GPR39: variants seen among roughly 807,000 people sequenced by gnomAD.
GPR39 encodes zinc sensing receptor.
A neutral mutation model predicts 18.4 loss-of-function variants in GPR39; 23 were observed. That is an observed-to-expected ratio of 1.25 (90% CI 0.90 to 1.77). GPR39 has a LOEUF of 1.77. Among genes scored for constraint, GPR39 ranks in the 40% most tolerant of loss-of-function variants. The probability of loss-of-function intolerance (pLI) is 0.00; values close to 1 mark genes in which losing one functional copy is unlikely to be tolerated. For synonymous variants in GPR39, 280 were observed against 257.9 expected, an observed-to-expected ratio of 1.09 and a Z score of -0.82; for missense variants, 647 against 602.4, an observed-to-expected ratio of 1.07 and a Z score of -0.78.
intron 1 of GPR39, among the ~76,000 whole-genome samples, chr2:132,463,935 G>A (rs1054245745): frequency 1.3e-5 from 2 of 152,282 alleles, no homozygotes; most frequent in East Asian, 1.9e-4. Flanking sequence ...TCCTCTAGGA[G>A]GCCAGACCAA....
intron 1 of GPR39, among the ~76,000 whole-genome samples, chr2:132,491,032 C>T (rs562463778): frequency 3.3e-5 from 5 of 152,282 alleles, no homozygotes; most frequent in Admixed American, 2.0e-4. Flanking sequence ...CTCTAATTTG[C>T]GAACCTTGAA....
At chr2:132,575,892 T>C (rs1680521144) in intron 1 of GPR39, among the ~76,000 whole-genome samples, 1 of 152,126 alleles carries the variant, frequency 6.6e-6, no homozygotes, top group Non-Finnish European at 1.5e-5. Flanking sequence ...AGAAGCCTCA[T>C]GAATGGTATT....
chr2:132,420,226 C>T (rs1022614798), intron 1 of GPR39, among the ~76,000 whole-genome samples: 1 of 152,172 alleles, frequency 6.6e-6, no homozygotes, highest in Non-Finnish European at 1.5e-5. Context: ...GGGGAATTTA[C>T]CGTTTGTATT....
chr2:132,575,370 A>G (rs571995778), intron 1 of GPR39, among the ~76,000 whole-genome samples: 1 of 152,340 alleles, frequency 6.6e-6, no homozygotes, highest in African/African-American at 2.4e-5. Context: ...ATCTGCAATT[A>G]TAAGAAATAA....
intron 1 of GPR39, among the ~76,000 whole-genome samples, chr2:132,480,274 A>G (rs1681208973): frequency 6.6e-6 from 1 of 152,160 alleles, no homozygotes; most frequent in Admixed American, 6.6e-5. Flanking sequence ...GAAATGGCAA[A>G]TTGTTGTTCA....
intron 1 of GPR39, among the ~76,000 whole-genome samples, chr2:132,553,865 A>C (rs766158911): frequency 6.6e-6 from 1 of 152,142 alleles, no homozygotes; most frequent in Non-Finnish European, 1.5e-5. Context: ...CCTGAAAAAA[A>C]CACCACCAGG....
intron 1 of GPR39, among the ~76,000 whole-genome samples, chr2:132,573,816 A>G (rs971995081): frequency 6.6e-6 from 1 of 152,120 alleles, no homozygotes; most frequent in Non-Finnish European, 1.5e-5. Flanking sequence ...CATCAGGGGA[A>G]CTTTTAGGGG....
chr2:132,615,390 G>A (rs953693052), intron 1 of GPR39, among the ~76,000 whole-genome samples: 1 of 152,128 alleles, frequency 6.6e-6, no homozygotes. Flanking sequence ...TTCACCTTGC[G>A]TGCCTTCCTC....
At chr2:132,562,714 G>A (rs73957925) in intron 1 of GPR39, among the ~76,000 whole-genome samples, 68 of 152,110 alleles carry the variant, frequency 4.5e-4, no homozygotes, top group African/African-American at 1.6e-3. Context: ...GATAGCAGGG[G>A]TTATCTACTA....
chr2:132,428,798 T>G (rs1256096385), intron 1 of GPR39, among the ~76,000 whole-genome samples: 2 of 152,242 alleles, frequency 1.3e-5, no homozygotes, highest in East Asian at 3.8e-4. Context: ...ACTTGTTGTG[T>G]AGTTGTAACA....
chr2:132,524,967 T>C (rs1679483899), intron 1 of GPR39, among the ~76,000 whole-genome samples: 1 of 152,196 alleles, frequency 6.6e-6, no homozygotes, highest in Non-Finnish European at 1.5e-5. Context: ...GACAGGACCA[T>C]GGGAATTTCC....
chr2:132,604,363 G>A (rs966518793), intron 1 of GPR39: 1 of 152,196 alleles, frequency 6.6e-6, no homozygotes, highest in Non-Finnish European at 1.5e-5. Flanking sequence ...AGAAGCCATG[G>A]CTGTGGAGGG....
intron 1 of GPR39, among the ~76,000 whole-genome samples, chr2:132,469,765 C>T (rs1328025703): frequency 6.6e-6 from 1 of 152,186 alleles, no homozygotes; most frequent in African/African-American, 2.4e-5. Context: ...AGGAGCCTCT[C>T]CCGAGCACCT....
At chr2:132,481,457 G>T (rs968155989) in intron 1 of GPR39, among the ~76,000 whole-genome samples, 1 of 152,146 alleles carries the variant, frequency 6.6e-6, no homozygotes. Context: ...TATACCAGGA[G>T]GTAAAAGAAA....
chr2:132,628,423 G>A (rs1443993322), intron 1 of GPR39, among the ~76,000 whole-genome samples: 3 of 152,150 alleles, frequency 2.0e-5, no homozygotes, highest in African/African-American at 7.2e-5. Context: ...CTCAAGTTTG[G>A]GAGGGCCCTG....
intron 1 of GPR39, among the ~76,000 whole-genome samples, chr2:132,522,832 C>G (rs1401043585): frequency 6.6e-6 from 1 of 152,226 alleles, no homozygotes; most frequent in Non-Finnish European, 1.5e-5. Flanking sequence ...CCTGTTGACT[C>G]CAGCAACCTT....
At chr2:132,543,725 A>G (rs1428389985) in intron 1 of GPR39, among the ~76,000 whole-genome samples, 4 of 152,166 alleles carry the variant, frequency 2.6e-5, no homozygotes, top group East Asian at 1.9e-4. Flanking sequence ...TTTGTAATGG[A>G]TCTTTGTTAC....
chr2:132,487,936 G>A (rs1359350547), intron 1 of GPR39, among the ~76,000 whole-genome samples: 1 of 152,146 alleles, frequency 6.6e-6, no homozygotes, highest in Admixed American at 6.5e-5. Flanking sequence ...TTAATCTCAA[G>A]AAGGTCACAT....
chr2:132,453,062 T>C (rs2104772045), intron 1 of GPR39, among the ~76,000 whole-genome samples: 1 of 152,334 alleles, frequency 6.6e-6, no homozygotes, highest in Non-Finnish European at 1.5e-5. Flanking sequence ...CCACACTGTC[T>C]TCTACAATGG....
Sources: allele counts gnomAD v4.1 joint callset (sites outside exome capture counted in the v4.1 genomes callset), GRCh38; gene constraint gnomAD v4.1.1; transcripts MANE v1.5; gene names NCBI Gene and HGNC (gene_info 2026-07-23, HGNC 2026-07-21).